The following ACSL1 variants were observed in gnomAD, a reference collection of about 807,000 sequenced individuals.
The protein encoded by ACSL1 is long-chain-fatty-acid--CoA ligase 1.
ACSL1 carries 41 observed loss-of-function variants against 98.4 expected under a neutral mutation model. The ratio of observed to expected loss-of-function variants is 0.42; its 90% CI spans 0.32 to 0.54. ACSL1 has a LOEUF of 0.54. Ranked by LOEUF, ACSL1 falls within the 20% of genes least tolerant of loss-of-function variation. ACSL1 has a pLI of 0.13. For synonymous variants in ACSL1, 316 were observed against 322.7 expected, an observed-to-expected ratio of 0.98 and a Z score of 0.22; for missense variants, 734 against 883.1, an observed-to-expected ratio of 0.83 and a Z score of 2.14.
At chr4:184,781,812 T>C (rs962783427) in intron 4 of ACSL1, among the ~76,000 whole-genome samples, 33 of 152,212 alleles carry the variant, frequency 2.2e-4, no homozygotes, top group Admixed American at 2.2e-3. Flanking sequence ...GGTTTTGCCA[T>C]GTTGGCCAGG....
At position 184,803,308 on chromosome 4, in the gene ACSL1, C is replaced by G. The variant is rs1212596593; in HGVS notation, c.195+12G>C. On this transcript the variant is annotated intron_variant, in intron 2 of 20. Coordinates refer to ENST00000281455, the MANE Select transcript of ACSL1 (RefSeq NM_001995.5). The surrounding 1 kb of genome is among the most constrained non-coding windows in gnomAD (Gnocchi z 4.8). ...GAGAAAACGCACGAGGCAGGCTGGGCCCTCCACTCACCGCCACTTCCACTG... is the reference window on the plus strand; with the variant it reads ...GAGAAAACGCACGAGGCAGGCTGGGGCCTCCACTCACCGCCACTTCCACTG... The G allele has an allele frequency of 5.8e-6, 9 of 1,558,044 alleles. No homozygotes were observed. Among genetic ancestry groups the G allele is most frequent in the African/African-American group, 1.4e-5 (1 of 73,336 alleles).
rs145248078 is a variant in ACSL1 at position 184,780,392 on chromosome 4, C to T, written c.417G>A (p.Gln139=). The change falls in exon 5 of 21, where the codon CAG becomes CAA. Residue 139 remains glutamine (Q), a synonymous_variant. Coordinates refer to ENST00000281455, the MANE Select transcript of ACSL1 (RefSeq NM_001995.5). ...LSECIGSALI[Q]KGFKTAPDQF... is the part of the protein sequence containing the mutation. ...GATCTGGGGCAGTCTTGAAGCCCTT[C>T]TGGATCAGTGCTGAGCCTATGCACT... The T allele has an allele frequency of 1.9e-6, 3 of 1,613,656 alleles. No homozygotes were observed. The highest frequency in any genetic ancestry group is 1.3e-5 in the African/African-American group (1 of 74,922).
chr4:184,797,039 A>C (rs1769512900), intron 2 of ACSL1, among the ~76,000 whole-genome samples: 1 of 151,692 alleles, frequency 6.6e-6, no homozygotes, highest in African/African-American at 2.4e-5. Context: ...ATCCAACTCA[A>C]CCCCAGCTGC....
chr4:184,809,382 G>A (rs1337243363), intron 1 of ACSL1, among the ~76,000 whole-genome samples: 1 of 152,170 alleles, frequency 6.6e-6, no homozygotes, highest in Non-Finnish European at 1.5e-5. Flanking sequence ...AATTTGAACA[G>A]ATAAATTTTT....
chr4:184,806,470 A>T (rs1263828116), intron 1 of ACSL1, among the ~76,000 whole-genome samples: 1 of 152,112 alleles, frequency 6.6e-6, no homozygotes, highest in African/African-American at 2.4e-5. Flanking sequence ...CTCTCCCCAA[A>T]GCTCCTAGAG....
In ACSL1 at chr4:184,757,379, T is replaced by A; in HGVS notation, c.1957-114A>T. 1 of 1,359,402 alleles carries A rather than the reference T, an allele frequency of 7.4e-7. No homozygotes were observed. The allele number at this position is 1,359,402 out of a possible 1,614,324, so 84.2% of individuals were successfully genotyped here. A position where few individuals can be genotyped will look rare whatever the true frequency, so the allele number is the denominator to read the frequency against. On this transcript the variant is annotated intron_variant, in intron 20 of 20. Transcript: ENST00000281455. The surrounding 1 kb of genome is among the most constrained non-coding windows in gnomAD (Gnocchi z 4.5). Reference sequence around the variant, plus strand: ...TCCAGCCATCCAATCCATCCTCTCATTTCAGCCAAGCTGCACCTTCTCAAC... The same window carrying A: ...TCCAGCCATCCAATCCATCCTCTCAATTCAGCCAAGCTGCACCTTCTCAAC...
intron 2 of ACSL1, among the ~76,000 whole-genome samples, chr4:184,800,850 C>G (rs949455319): frequency 3.9e-5 from 6 of 152,096 alleles, no homozygotes; most frequent in Non-Finnish European, 8.8e-5. Context: ...CTCTTTACAA[C>G]CCTGATTTTT....
chr4:184,812,470 C>T lies in ACSL1; in HGVS notation c.-32-8924G>A, dbSNP rs149690392. On this transcript the variant is annotated intron_variant, in intron 1 of 20. Coordinates refer to ENST00000281455, the MANE Select transcript of ACSL1 (RefSeq NM_001995.5). ...CCTTCTACCCGCCACCAGACTCCTACACCGCACACCAGAAAGGAGTAGAGA... is the reference window on the plus strand; with the variant it reads ...CCTTCTACCCGCCACCAGACTCCTATACCGCACACCAGAAAGGAGTAGAGA... Among the ~76,000 whole-genome samples, 602 of 152,242 alleles carry T rather than the reference C, an allele frequency of 4.0e-3. 7 individuals are homozygous for T. The highest frequency in any genetic ancestry group is 0.014 in the African/African-American group (576 of 41,558).
At chr4:184,796,928 T>G (rs1408728249) in intron 2 of ACSL1, among the ~76,000 whole-genome samples, 1 of 152,220 alleles carries the variant, frequency 6.6e-6, no homozygotes, top group African/African-American at 2.4e-5. Flanking sequence ...ACCTCCCACC[T>G]GGTTCAAAAT....
At chr4:184,780,461 C>A in intron 4 of ACSL1, 28 bp from the exon 5 acceptor site, 1 of 1,575,562 alleles carries the variant, frequency 6.3e-7, no homozygotes, top group Non-Finnish European at 8.7e-7. Context: ...AAGTCAGAAG[C>A]AGCATTGGGC....
chr4:184,774,146 TG>T (rs1764923221), intron 7 of ACSL1, among the ~76,000 whole-genome samples: 1 of 152,198 alleles, frequency 6.6e-6, no homozygotes, highest in East Asian at 1.9e-4. Context: ...TGAAATAGGA[TG>T]TATTAAAAAA....
intron 2 of ACSL1, among the ~76,000 whole-genome samples, chr4:184,796,424 G>A (rs575957698): frequency 1.3e-4 from 20 of 152,160 alleles, no homozygotes; most frequent in Non-Finnish European, 2.5e-4. Flanking sequence ...ATCGCTTGCC[G>A]CAAATGTCCT....
rs1024860831 is a variant in ACSL1 at position 184,755,833 on chromosome 4, A to G, written c.*1292T>C. 2.6e-5 allele frequency: 4 copies of G among 152,610 alleles called. No individual in the cohort carries two copies. Among genetic ancestry groups the G allele is most frequent in the African/African-American group, 7.2e-5 (3 of 41,452 alleles). 9.5% of individuals were successfully genotyped at this position (152,610 alleles called of 1,614,324 possible). On this transcript the variant is annotated 3_prime_UTR_variant, in exon 21 of 21. Coordinates refer to ENST00000281455, the MANE Select transcript of ACSL1 (RefSeq NM_001995.5). ...TGTTGTGCTTGTATATAATACATGT[A>G]CTCTCACAGACCCCAAAACAGCTGC... is the stretch of plus-strand genomic sequence containing the variant.
At chr4:184,806,139 A>G (rs1425351654) in intron 1 of ACSL1, among the ~76,000 whole-genome samples, 4 of 152,208 alleles carry the variant, frequency 2.6e-5, no homozygotes, top group Admixed American at 2.6e-4. Flanking sequence ...CTAGGCTTTC[A>G]GTGGGCTAAC....
chr4:184,756,959 G>T lies in ACSL1; in HGVS notation c.*166C>A. 1 of 800,096 alleles carries T rather than the reference G, an allele frequency of 1.2e-6. No homozygotes were observed. Among genetic ancestry groups the T allele is most frequent in the Non-Finnish European group, 1.9e-6 (1 of 529,674 alleles). The allele number at this position is 800,096 out of a possible 1,614,324, so 49.6% of individuals were successfully genotyped here. ...CAACATGAGGTGACTGTAAGGCAGTGTTCTCTTTCCTCTAGCATTCCTATG... is the reference window on the plus strand; with the variant it reads ...CAACATGAGGTGACTGTAAGGCAGTTTTCTCTTTCCTCTAGCATTCCTATG... On this transcript the variant is annotated 3_prime_UTR_variant, in exon 21 of 21. Transcript: ENST00000281455.
intron 3 of ACSL1, among the ~76,000 whole-genome samples, chr4:184,787,895 T>C (rs1767676447): frequency 1.3e-5 from 2 of 149,596 alleles, no homozygotes; most frequent in African/African-American, 4.9e-5. Context: ...AGTCTGGGCA[T>C]GGTGGCTCAC....
chr4:184,779,868 T>C (rs943292536), intron 5 of ACSL1, among the ~76,000 whole-genome samples: 2 of 151,472 alleles, frequency 1.3e-5, no homozygotes, highest in African/African-American at 4.8e-5. Flanking sequence ...GTTCAGGTTT[T>C]CCTTTCTTTT....
chr4:184,825,504 G>T lies in ACSL1; in HGVS notation c.-33+412C>A, dbSNP rs1254922767. Among the ~76,000 whole-genome samples, 1 of 151,854 alleles carries T rather than the reference G, an allele frequency of 6.6e-6. No individual in the cohort carries two copies. The highest frequency in any genetic ancestry group is 2.4e-5 in the African/African-American group (1 of 41,392). On this transcript the variant is annotated intron_variant, in intron 1 of 20. Coordinates refer to ENST00000281455, the MANE Select transcript of ACSL1 (RefSeq NM_001995.5). The surrounding 1 kb of genome is among the most constrained non-coding windows in gnomAD (Gnocchi z 4.7). ...CCGCGAGCCCGGCCTCTGGGCAGGC[G>T]GGGGCCGCGGACGAGGGCAACGTCA...
chr4:184,788,801 A>G, intron 2 of ACSL1, 70 bp from the exon 3 acceptor site: 1 of 1,169,472 alleles, frequency 8.6e-7, no homozygotes, highest in Non-Finnish European at 1.3e-6. Flanking sequence ...TGGCTAAATC[A>G]AGCTAATTAA....
Sources: allele counts gnomAD v4.1 joint callset (sites outside exome capture counted in the v4.1 genomes callset), GRCh38; gene constraint gnomAD v4.1.1; non-coding constraint Gnocchi (gnomAD v3.1); transcripts MANE v1.5; gene names NCBI Gene and HGNC (gene_info 2026-07-23, HGNC 2026-07-21).